PPP2R2B: variants seen among roughly 807,000 people sequenced by gnomAD.
PPP2R2B encodes the protein serine/threonine-protein phosphatase 2A 55 kDa regulatory subunit B beta isoform.
A neutral mutation model predicts 46.0 loss-of-function variants in PPP2R2B; 5 were observed. The ratio of observed to expected loss-of-function variants is 0.11; its 90% confidence interval spans 0.06 to 0.23. The LOEUF (loss-of-function observed/expected upper bound fraction) is 0.23. Among genes scored for constraint, PPP2R2B ranks in the 10% least tolerant of loss-of-function variants. PPP2R2B has a pLI of 1.00. For synonymous variants in PPP2R2B, 215 were observed against 206.7 expected (o/e 1.04, Z -0.34); for missense variants, 367 against 575.0 (o/e 0.64, Z 3.70).
intron 2 of PPP2R2B, among the ~76,000 whole-genome samples, chr5:146,708,231 T>G (rs1272162523): frequency 6.6e-6 from 1 of 151,686 alleles, no homozygotes; most frequent in African/African-American, 2.4e-5. Flanking sequence ...GTGGTGTATG[T>G]CTGTGGTCCC....
At chr5:146,687,729 T>C (rs1319139008) in intron 5 of PPP2R2B, among the ~76,000 whole-genome samples, 1 of 152,220 alleles carries the variant, frequency 6.6e-6, no homozygotes, top group Non-Finnish European at 1.5e-5. Context: ...GAGATTGATT[T>C]TGAAAGGCTA....
rs543711317 is a variant in PPP2R2B at position 147,028,787 on chromosome 5, G to A, written c.79+26878C>T. Among the ~76,000 whole-genome samples the A allele has an allele frequency of 7.9e-5, 12 of 152,248 alleles. No homozygotes were observed. The East Asian group carries it at 1.9e-3, about 24-fold the overall frequency. ...AAAGTGGTTGTAATAATTTATACTC[G>A]CACTGGTAGCATATGAGATTTTTAG... On this transcript the variant is annotated intron_variant, in intron 1 of 8. Transcript: ENST00000336640.
chr5:146,712,135 A>G lies in PPP2R2B; in HGVS notation c.71-10993T>C, dbSNP rs559432184. On this transcript the variant is annotated intron_variant, in intron 2 of 9. Transcript: ENST00000394411. Reference sequence around the variant, plus strand: ...AATAAATATGTTGCTAATAGTTCACAAGGTATTATTATGTTACGATGGTTT... The same window carrying G: ...AATAAATATGTTGCTAATAGTTCACGAGGTATTATTATGTTACGATGGTTT... Among the ~76,000 whole-genome samples, 4 of 152,330 alleles carry G rather than the reference A, an allele frequency of 2.6e-5. No homozygotes were observed. In the South Asian group the frequency reaches 8.3e-4, roughly 32 times the overall value.
chr5:146,920,478 C>T (rs2151814030), intron 1 of PPP2R2B, among the ~76,000 whole-genome samples: 1 of 152,302 alleles, frequency 6.6e-6, no homozygotes, highest in African/African-American at 2.4e-5. Flanking sequence ...TTCTAAGAGT[C>T]ATTAAATGAG....
intron 1 of PPP2R2B, among the ~76,000 whole-genome samples, chr5:147,048,183 T>C (rs1125728): frequency 0.9 from 136,802 of 152,116 alleles, 62,491 homozygotes; most frequent in East Asian, 1. Flanking sequence ...CCTTAAAGAA[T>C]AGATGAGTGT....
intron 2 of PPP2R2B, among the ~76,000 whole-genome samples, chr5:146,816,727 G>A (rs1757954151): frequency 6.6e-6 from 1 of 152,106 alleles, no homozygotes; most frequent in African/African-American, 2.4e-5. Context: ...TAAGATTGTA[G>A]CTCCTTTAAC....
chr5:147,047,002 C>T (rs766918130), intron 1 of PPP2R2B, among the ~76,000 whole-genome samples: 4 of 152,086 alleles, frequency 2.6e-5, no homozygotes, highest in Non-Finnish European at 4.4e-5. Context: ...ACCAACACCA[C>T]CAAGTTTCAT....
chr5:146,582,114 T>A lies in PPP2R2B; in HGVS notation c.*7833A>T, dbSNP rs940205937. On this transcript the variant is annotated 3_prime_UTR_variant, in exon 10 of 10. Coordinates refer to ENST00000394411, the MANE Select transcript of PPP2R2B (RefSeq NM_181675.4). ...AAATGAAAATGCCAATCTTCTCCCA[T>A]CCCTGTCTTGCTGTATTAGGCATGT... The A allele has an allele frequency of 2.0e-5, 3 of 152,208 alleles. No homozygotes were observed. The highest frequency in any genetic ancestry group is 7.2e-5 in the African/African-American group (3 of 41,448). 9.4% of individuals were successfully genotyped at this position (152,208 alleles called of 1,614,324 possible).
chr5:146,848,687 G>A (rs1753203452), intron 2 of PPP2R2B, among the ~76,000 whole-genome samples: 1 of 152,082 alleles, frequency 6.6e-6, no homozygotes. Context: ...TTTCTCCACT[G>A]TAAAGTTACT....
intron 5 of PPP2R2B, among the ~76,000 whole-genome samples, chr5:146,654,996 G>A (rs571090008): frequency 8.5e-5 from 13 of 152,300 alleles, no homozygotes; most frequent in East Asian, 5.8e-4. Flanking sequence ...GGATCAAGGC[G>A]GAGACAAGGG....
chr5:146,630,692 C>A (rs186850055), intron 7 of PPP2R2B, among the ~76,000 whole-genome samples: 1 of 152,140 alleles, frequency 6.6e-6, no homozygotes, highest in Non-Finnish European at 1.5e-5. Context: ...GCTGTGAATA[C>A]GGCTGTTGAC....
intron 7 of PPP2R2B, among the ~76,000 whole-genome samples, chr5:146,630,203 T>C (rs909110381): frequency 1.3e-5 from 2 of 152,232 alleles, no homozygotes; most frequent in African/African-American, 4.8e-5. Flanking sequence ...AGTTTCCTCC[T>C]CTGTTAGGGC....
intron 2 of PPP2R2B, among the ~76,000 whole-genome samples, chr5:146,774,872 A>T (rs1755088545): frequency 6.6e-6 from 1 of 152,094 alleles, no homozygotes; most frequent in Admixed American, 6.6e-5. Flanking sequence ...TATGCCAACA[A>T]ATTGGGTAAC....
At chr5:146,639,431 T>C (rs1775047842) in intron 6 of PPP2R2B, among the ~76,000 whole-genome samples, 1 of 152,322 alleles carries the variant, frequency 6.6e-6, no homozygotes, top group East Asian at 1.9e-4. Context: ...CTTTTATTTA[T>C]GAAGGTGACT....
At chr5:146,883,094 T>C (rs1762218378), upstream of PPP2R2B, among the ~76,000 whole-genome samples, 1 of 152,218 alleles carries the variant, frequency 6.6e-6, no homozygotes, top group East Asian at 1.9e-4. Flanking sequence ...CCTAAGCCAG[T>C]CTGGAGATTC....
intron 2 of PPP2R2B, among the ~76,000 whole-genome samples, chr5:146,707,853 A>G (rs1295749109): frequency 2.8e-4 from 42 of 152,228 alleles, no homozygotes; most frequent in Admixed American, 2.7e-3. Context: ...AGTTTATCAG[A>G]GAGAATCCAA....
chr5:147,034,180 C>T (rs1308013384), intron 1 of PPP2R2B, among the ~76,000 whole-genome samples: 1 of 152,072 alleles, frequency 6.6e-6, no homozygotes, highest in African/African-American at 2.4e-5. Flanking sequence ...TTGCTTTTCC[C>T]TCTGTCTAGA....
chr5:146,993,158 G>T (rs1753776836), intron 1 of PPP2R2B, among the ~76,000 whole-genome samples: 2 of 152,016 alleles, frequency 1.3e-5, no homozygotes, highest in South Asian at 4.2e-4. Flanking sequence ...GGCCAGGCTG[G>T]TCTCAAACTC....
intron 1 of PPP2R2B, among the ~76,000 whole-genome samples, chr5:146,940,136 C>A (rs945157303): frequency 6.6e-6 from 1 of 152,166 alleles, no homozygotes; most frequent in African/African-American, 2.4e-5. Context: ...TTCTAGTGGG[C>A]ATCTACTGTC....
Sources: gnomAD v4.1 joint callset for allele counts (sites outside exome capture counted in the v4.1 genomes callset) on GRCh38, gnomAD v4.1.1 for gene constraint, MANE v1.5 for transcripts, NCBI Gene and HGNC (gene_info 2026-07-23, HGNC 2026-07-21) for gene names.